The following RAB11FIP5 variants were observed in gnomAD, a reference collection of about 807,000 sequenced individuals.
RAB11FIP5 encodes RAB11 family interacting protein 5.
In RAB11FIP5, 48 loss-of-function variants were observed where a neutral mutation model predicts 85.1. The ratio of observed to expected loss-of-function variants is 0.56; its 90% CI spans 0.45 to 0.72. The LOEUF (loss-of-function observed/expected upper bound fraction) is 0.72. Among genes scored for constraint, RAB11FIP5 ranks in the 30% least tolerant of loss-of-function variants. RAB11FIP5 has a pLI of 0.00. For synonymous variants in RAB11FIP5, 729 were observed against 727.3 expected (o/e 1.00, Z -0.04); for missense variants, 1,491 against 1,687.0 (o/e 0.88, Z 2.04).
Position 73,081,611 on chromosome 2 carries a change from G to C in RAB11FIP5, c.1621C>G (p.Leu541Val). The change falls in exon 4 of 6, where the codon CTC becomes GTC. Residue 541 changes from leucine (L) to valine (V), a missense_variant. By Grantham distance (32) the Leu-to-Val change is conservative. Coordinates refer to ENST00000486777, the MANE Select transcript of RAB11FIP5 (RefSeq NM_001371272.1). This position sits in a 1 kb window ranked among gnomAD's most constrained non-coding sequence, Gnocchi z 4.2. Reference protein sequence around the residue: ...ESDPAALPHHLPCSPWAPAPP... With the variant: ...ESDPAALPHHVPCSPWAPAPP... ...GCCGGAGCCCAGGGGGAGCAGGGGA[G>C]GTGGTGAGGAAGAGCAGCTGGGTCA... 3 of 1,221,816 alleles carry C rather than the reference G, an allele frequency of 2.5e-6. No individual in the cohort carries two copies. The highest frequency in any genetic ancestry group is 3.1e-6 in the Non-Finnish European group (3 of 978,404). The allele number at this position is 1,221,816 out of a possible 1,614,324, so 75.7% of individuals were successfully genotyped here. A position where few individuals can be genotyped will look rare whatever the true frequency, so the allele number is the denominator to read the frequency against.
rs72344675 is a variant in RAB11FIP5 at position 73,081,095 on chromosome 2, TTCCTCCTCCTCC to T, written c.2125_2136del (p.Gly709_Gly712del). The T allele has an allele frequency of 1.4e-4, 176 of 1,229,906 alleles. No individual in the cohort carries two copies. The highest frequency in any genetic ancestry group is 7.9e-4 in the East Asian group (25 of 31,466). 76.2% of individuals were successfully genotyped at this position (1,229,906 alleles called of 1,614,324 possible). A position where few individuals can be genotyped will look rare whatever the true frequency, so the allele number is the denominator to read the frequency against. On this transcript the variant is annotated inframe_deletion, in exon 4 of 6. Transcript: ENST00000486777. This position sits in a 1 kb window ranked among gnomAD's most constrained non-coding sequence, Gnocchi z 4.2. ...TCCAGCCACACGCTGCTCCCACCTC[TTCCTCCTCCTCC>T]TCCTCCTCCTCCTCCTCCTCCCCCA...
chr2:73,104,844 A>G (rs1684492948), intron 1 of RAB11FIP5, among the ~76,000 whole-genome samples: 1 of 152,114 alleles, frequency 6.6e-6, no homozygotes, highest in Non-Finnish European at 1.5e-5. Context: ...CACGCTTTTT[A>G]TATGCTGCTT....
rs945043717 is a variant in RAB11FIP5, at chr2:73,078,267, A to C, written c.3581+1384T>G. ...AAACCCTGCGCCTCTCATGGGCTCTATTTCTTCCTTTGAGGAATGAGACAG... is the reference window on the plus strand; with the variant it reads ...AAACCCTGCGCCTCTCATGGGCTCTCTTTCTTCCTTTGAGGAATGAGACAG... On this transcript the variant is annotated intron_variant, in intron 4 of 5. Transcript: ENST00000486777. The surrounding 1 kb of genome is among the most constrained non-coding windows in gnomAD (Gnocchi z 4.4). Among the ~76,000 whole-genome samples the C allele has an allele frequency of 1.3e-5, 2 of 152,170 alleles. No individual in the cohort carries two copies. Among genetic ancestry groups the C allele is most frequent in the African/African-American group, 2.4e-5 (1 of 41,430 alleles).
In RAB11FIP5 at chr2:73,112,482, G is replaced by A. The variant is rs1281429454; in HGVS notation, c.296C>T (p.Ala99Val). 6.7e-7 allele frequency: 1 copy of A among 1,485,088 alleles called. No homozygotes were observed. Among genetic ancestry groups the A allele is most frequent in the Non-Finnish European group, 8.9e-7 (1 of 1,122,954 alleles). 92.0% of individuals were successfully genotyped at this position (1,485,088 alleles called of 1,614,324 possible). Residue 99 changes from alanine (A) to valine (V), a missense_variant, in exon 1 of 6, where the codon GCC becomes GTC. Physicochemically the swap from Ala to Val is moderately conservative, Grantham distance 64. Around this residue, in one of 3 missense-constraint regions of RAB11FIP5, gnomAD observed 1,211 missense variants for 1,338.0 expected, o/e 0.91. Coordinates refer to ENST00000486777, the MANE Select transcript of RAB11FIP5 (RefSeq NM_001371272.1). ...CTCGCAGGCGGCGGCGGAGCTCGCGGCCCAGGGCGCCGGGCCCGCGTCGGC... is the reference window on the plus strand; with the variant it reads ...CTCGCAGGCGGCGGCGGAGCTCGCGACCCAGGGCGCCGGGCCCGCGTCGGC... ...QEADAGPAPW[A>V]ASSAAACELV...
At position 73,088,947 on chromosome 2, in the gene RAB11FIP5, T is replaced by A. The variant is rs769882834; in HGVS notation, c.800A>T (p.Tyr267Phe). The change falls in exon 2 of 6, where the codon TAC (tyrosine) becomes TTC (phenylalanine). Residue 267 changes from tyrosine to phenylalanine, a missense_variant. Coordinates refer to ENST00000486777, the MANE Select transcript of RAB11FIP5 (RefSeq NM_001371272.1). ...TLSSASGSLA[Y>F]QGPGAELLTR... is the part of the protein sequence containing the mutation. ...GAGGAGTTCGGCGCCAGGTCCCTGG[T>A]AGGCCAAGCTCCCGCTGGCTGAGGA... The A allele has an allele frequency of 1.4e-5, 22 of 1,611,448 alleles. No homozygotes were observed. The highest frequency in any genetic ancestry group is 1.9e-5 in the Non-Finnish European group (22 of 1,178,550).
Position 73,080,817 on chromosome 2 carries a change from C to A in RAB11FIP5, c.2415G>T (p.Glu805Asp). Residue 805 changes from glutamate to aspartate, a missense_variant, in exon 4 of 6, where the codon GAG becomes GAT. Around this residue, in one of 3 missense-constraint regions of RAB11FIP5, gnomAD observed 1,211 missense variants for 1,338.0 expected, o/e 0.91. Coordinates refer to ENST00000486777, the MANE Select transcript of RAB11FIP5 (RefSeq NM_001371272.1). ...CATCGTCCTGGCCCTCAGCAGCGCT[C>A]TCTGGGCCCGGCAGCCTCTCCCACA... The part of the protein sequence containing the change: ...ISVWERLPGP[E>D]SAAEGQDDES... 1 of 1,232,372 alleles carries A rather than the reference C, an allele frequency of 8.1e-7. No homozygotes were observed. The highest frequency in any genetic ancestry group is 4.1e-5 in the South Asian group (1 of 24,300). The allele number at this position is 1,232,372 out of a possible 1,614,324, so 76.3% of individuals were successfully genotyped here.
rs145325936 is a variant in RAB11FIP5 at position 73,086,543 on chromosome 2, G to A, written c.1568+1507C>T. On this transcript the variant is annotated intron_variant, in intron 3 of 5. Transcript: ENST00000486777. The surrounding 1 kb of genome is among the most constrained non-coding windows in gnomAD (Gnocchi z 4.4). ...GCCCCAGAAAAGGCCCAGAGACACC[G>A]TACGCACAACCACACTGAGCCTGTG... is the stretch of plus-strand genomic sequence containing the variant. Among the ~76,000 whole-genome samples, 181 of 152,270 alleles carry A rather than the reference G, an allele frequency of 1.2e-3. 1 individual carries two copies. Among genetic ancestry groups the A allele is most frequent in the African/African-American group, 4.2e-3 (174 of 41,530 alleles).
At chr2:73,105,878 G>C (rs1684515477) in intron 1 of RAB11FIP5, among the ~76,000 whole-genome samples, 1 of 152,090 alleles carries the variant, frequency 6.6e-6, no homozygotes, top group Non-Finnish European at 1.5e-5. Context: ...CAGACTGCCT[G>C]GGTTCACATC....
intron 1 of RAB11FIP5, among the ~76,000 whole-genome samples, chr2:73,101,849 G>A (rs1684436891): frequency 1.3e-5 from 2 of 152,176 alleles, no homozygotes; most frequent in Non-Finnish European, 1.5e-5. Flanking sequence ...ATGAGTCGGC[G>A]AGATCCCACC....
Position 73,081,671 on chromosome 2 carries a change from G to A in RAB11FIP5, c.1569-8C>T. The A allele has an allele frequency of 8.1e-7, 1 of 1,232,012 alleles. No homozygotes were observed. Among genetic ancestry groups the A allele is most frequent in the African/African-American group, 1.6e-5 (1 of 64,488 alleles). The allele number at this position is 1,232,012 out of a possible 1,614,324, so 76.3% of individuals were successfully genotyped here. On this transcript the variant is annotated splice_region_variant and splice_polypyrimidine_tract_variant and intron_variant, in intron 3 of 5. Coordinates refer to ENST00000486777, the MANE Select transcript of RAB11FIP5 (RefSeq NM_001371272.1). The surrounding 1 kb of genome is among the most constrained non-coding windows in gnomAD (Gnocchi z 4.2). ...TGAGGAGACACGTCCAGGCTGTGGA[G>A]GGAGACAAAACCGTGAGCCTCCTGG...
chr2:73,087,688 C>T (rs545623727), intron 3 of RAB11FIP5, among the ~76,000 whole-genome samples: 1 of 152,194 alleles, frequency 6.6e-6, no homozygotes, highest in Non-Finnish European at 1.5e-5. Context: ...GGCTTCCTTA[C>T]CTTGAGGCCA....
chr2:73,089,128 A>C lies in RAB11FIP5; in HGVS notation c.619T>G (p.Ser207Ala). The C allele has an allele frequency of 6.2e-7, 1 of 1,614,220 alleles. No individual in the cohort carries two copies. The highest frequency in any genetic ancestry group is 8.5e-7 in the Non-Finnish European group (1 of 1,180,026). ...CTGCTTGGGAGGATGGCAGAGGCAG[A>C]TTCCAGATCATACTTCTTCTTGCCC... ...MKGKKKYDLE[S>A]ASAILPSSAI... Residue 207 changes from serine to alanine, a missense_variant, in exon 2 of 6, where the codon TCT becomes GCT. Ser to Ala is a moderately conservative substitution (Grantham distance 99). This residue lies in a region of RAB11FIP5 where 1,211 missense variants were observed against 1,338.0 expected (regional missense o/e 0.91). Transcript: ENST00000486777. The surrounding 1 kb of genome is among the most constrained non-coding windows in gnomAD (Gnocchi z 4.6).
Position 73,112,545 on chromosome 2 carries a change from G to T in RAB11FIP5, c.233C>A (p.Pro78Gln). 3 of 1,544,150 alleles carry T rather than the reference G, an allele frequency of 1.9e-6. No homozygotes were observed. Among genetic ancestry groups the T allele is most frequent in the East Asian group, 2.6e-5 (1 of 38,744 alleles). Residue 78 changes from proline to glutamine, a missense_variant, in exon 1 of 6, where the codon CCG (proline) becomes CAG (glutamine). Transcript: ENST00000486777. ...CAGCAGGCCATCCAGGGCCCCCGGC[G>T]GCAGCTCGAAGGAGCACTCCTCACG... ...EWREECSFEL[P>Q]PGALDGLLRA...
intron 1 of RAB11FIP5, among the ~76,000 whole-genome samples, chr2:73,094,855 C>T (rs1475236699): frequency 6.6e-6 from 1 of 152,030 alleles, no homozygotes; most frequent in Non-Finnish European, 1.5e-5. Context: ...ACCAAAGGAA[C>T]ACACTGGGGA....
rs1219993513 is a variant in RAB11FIP5 at position 73,081,518 on chromosome 2, C to T, written c.1714G>A (p.Ala572Thr). ...GCGGCAGCGGCAGCAGTGGCAGCAG[C>T]GGGGGAGGCGGCTGCAAAAAGGTTA... The part of the protein sequence containing the change: ...STNLFAAASP[A>T]AATAAAAATT... The change falls in exon 4 of 6, where the codon GCT (alanine) becomes ACT (threonine). Residue 572 changes from alanine to threonine, a missense_variant. Physicochemically the swap from Ala to Thr is moderately conservative, Grantham distance 58 (BLOSUM62 0). This residue lies in a region of RAB11FIP5 where 1,211 missense variants were observed against 1,338.0 expected (regional missense o/e 0.91). Coordinates refer to ENST00000486777, the MANE Select transcript of RAB11FIP5 (RefSeq NM_001371272.1). This position sits in a 1 kb window ranked among gnomAD's most constrained non-coding sequence, Gnocchi z 4.2. 4 of 1,228,130 alleles carry T rather than the reference C, an allele frequency of 3.3e-6. No individual in the cohort carries two copies. Among genetic ancestry groups the T allele is most frequent in the East Asian group, 3.2e-5 (1 of 31,742 alleles). 76.1% of individuals were successfully genotyped at this position (1,228,130 alleles called of 1,614,324 possible).
intron 1 of RAB11FIP5, among the ~76,000 whole-genome samples, chr2:73,103,772 G>A (rs754951836): frequency 6.6e-6 from 1 of 152,198 alleles, no homozygotes; most frequent in Non-Finnish European, 1.5e-5. Context: ...CCATATAAGT[G>A]AGGTGGCCCA....
Position 73,075,572 on chromosome 2 carries a change from G to C in RAB11FIP5, c.3924C>G (p.Ile1308Met), listed in dbSNP as rs1258263190. Residue 1308 changes from isoleucine (I) to methionine (M), a missense_variant, in exon 6 of 6, where the codon ATC (isoleucine) becomes ATG (methionine). Coordinates refer to ENST00000486777, the MANE Select transcript of RAB11FIP5 (RefSeq NM_001371272.1). The surrounding 1 kb of genome is among the most constrained non-coding windows in gnomAD (Gnocchi z 4.6). ...GCAGCAGCGTGGGTGAGGTCTCCAT[G>C]ATCCGCACCAGCAGCCGGTCGATGT... ...ESYIDRLLVR[I>M]METSPTLLQI... 6.2e-7 allele frequency: 1 copy of C among 1,614,146 alleles called. No homozygotes were observed. The highest frequency in any genetic ancestry group is 2.2e-5 in the East Asian group (1 of 44,882).
At position 73,079,719 on chromosome 2, in the gene RAB11FIP5, G is replaced by C; in HGVS notation, c.3513C>G (p.Thr1171=). Residue 1171 remains threonine (T), a synonymous_variant, in exon 4 of 6, where the codon ACC becomes ACG. Coordinates refer to ENST00000486777, the MANE Select transcript of RAB11FIP5 (RefSeq NM_001371272.1). ...GCAGAAGCACAAGCGGGGAGGCTGG[G>C]GTGGCTGCAGCGAGGTCCTCCCTAA... ...ALLREDLAAA[T]PASPLVLLPL... 5.7e-6 allele frequency: 7 copies of C among 1,233,246 alleles called. No homozygotes were observed. The highest frequency in any genetic ancestry group is 7.1e-6 in the Non-Finnish European group (7 of 988,882). 76.4% of individuals were successfully genotyped at this position (1,233,246 alleles called of 1,614,324 possible). A position where few individuals can be genotyped will look rare whatever the true frequency, so the allele number is the denominator to read the frequency against.
rs149975698 is a variant in RAB11FIP5, at chr2:73,089,033, G to C, written c.714C>G (p.Asn238Lys). 1 of 1,614,126 alleles carries C rather than the reference G, an allele frequency of 6.2e-7. No homozygotes were observed. The highest frequency in any genetic ancestry group is 1.3e-5 in the African/African-American group (1 of 74,948). The stretch of plus-strand genomic sequence containing the variant: ...GGGTCAGGGACGACTTGCGCAGCTT[G>C]TTGCGGAGGAAGAAGCCTTTGGCTT... Reference protein sequence around the residue: ...MGKAKGFFLRNKLRKSSLTQS... With the variant: ...MGKAKGFFLRKKLRKSSLTQS... Residue 238 changes from asparagine to lysine, a missense_variant, in exon 2 of 6, where the codon AAC (asparagine) becomes AAG (lysine). Coordinates refer to ENST00000486777, the MANE Select transcript of RAB11FIP5 (RefSeq NM_001371272.1). The surrounding 1 kb of genome is among the most constrained non-coding windows in gnomAD (Gnocchi z 4.6).
Sources: gnomAD v4.1 joint callset for allele counts (sites outside exome capture counted in the v4.1 genomes callset) on GRCh38, gnomAD v4.1.1 for gene constraint, gnomAD v4.1.1 regional missense constraint, Gnocchi (gnomAD v3.1) non-coding constraint, MANE v1.5 for transcripts, NCBI Gene and HGNC (gene_info 2026-07-23, HGNC 2026-07-21) for gene names.